DDHD1: variants seen among roughly 807,000 people sequenced by gnomAD.
DDHD1 encodes the protein phospholipase DDHD1.
Under a neutral mutation model 96.4 loss-of-function variants are expected in DDHD1, and 49 were observed. That is an observed-to-expected ratio of 0.51 (90% CI 0.40 to 0.64). The LOEUF is 0.64. DDHD1 is among the 30% of genes least tolerant of loss of function. The pLI is 0.00. For missense variants in DDHD1, 1,106 were observed against 1,161.2 expected (o/e 0.95, Z 0.69); for synonymous variants, 442 against 446.5 (o/e 0.99, Z 0.13).
chr14:53,080,178 G>A (rs1376793063), intron 4 of DDHD1, among the ~76,000 whole-genome samples: 1 of 152,140 alleles, frequency 6.6e-6, no homozygotes, highest in East Asian at 1.9e-4. Context: ...TGGCCAACAT[G>A]GTGAAATCCC....
chr14:53,041,854 T>G lies in DDHD1; in HGVS notation c.*4914A>C, dbSNP rs1215006731. The G allele has an allele frequency of 6.6e-6, 1 of 152,078 alleles. No individual in the cohort carries two copies. Among genetic ancestry groups the G allele is most frequent in the African/African-American group, 2.4e-5 (1 of 41,384 alleles). 9.4% of individuals were successfully genotyped at this position (152,078 alleles called of 1,614,324 possible). On this transcript the variant is annotated 3_prime_UTR_variant, in exon 13 of 13. Coordinates refer to ENST00000673822, the MANE Select transcript of DDHD1 (RefSeq NM_001160148.2). Reference sequence around the variant, plus strand: ...ATTAAAGCTTGCTGATGCTTTAATCTGAGCTTAAAGCATCAGATTACAGAG... The same window carrying G: ...ATTAAAGCTTGCTGATGCTTTAATCGGAGCTTAAAGCATCAGATTACAGAG...
At chr14:53,050,454 T>C (rs558563689) in intron 12 of DDHD1, among the ~76,000 whole-genome samples, 9 of 152,218 alleles carry the variant, frequency 5.9e-5, no homozygotes, top group Admixed American at 1.3e-4. Context: ...TATGAATGAT[T>C]GAGACCTTTC....
At chr14:53,064,176 GATAAGA>G (rs1275235351) in intron 6 of DDHD1, among the ~76,000 whole-genome samples, 2 of 152,080 alleles carry the variant, frequency 1.3e-5, no homozygotes, top group Non-Finnish European at 2.9e-5. Context: ...ATTTGGCTTT[GATAAGA>G]ATATCAACCA....
chr14:53,152,774 C>CGCT lies in DDHD1; in HGVS notation c.322_324dup (p.Ser108dup). 1 of 1,604,274 alleles carries CGCT rather than the reference C, an allele frequency of 6.2e-7. No individual in the cohort carries two copies. Among genetic ancestry groups the CGCT allele is most frequent in the South Asian group, 1.1e-5 (1 of 90,446 alleles). ...AGCGACAAGGAGCTGCCGCCGCCGC[C>CGCT]GCTCTCACCCTCGCTGTAGTAGCGC... On this transcript the variant is annotated inframe_insertion, in exon 1 of 13. Coordinates refer to ENST00000673822, the MANE Select transcript of DDHD1 (RefSeq NM_001160148.2).
intron 4 of DDHD1, among the ~76,000 whole-genome samples, chr14:53,083,114 A>C (rs932332636): frequency 6.6e-6 from 1 of 152,184 alleles, no homozygotes; most frequent in Non-Finnish European, 1.5e-5. Flanking sequence ...TGTTCAAAAA[A>C]ATAAGTTTCG....
chr14:53,150,282 T>C (rs991585373), intron 1 of DDHD1, among the ~76,000 whole-genome samples: 3 of 152,248 alleles, frequency 2.0e-5, no homozygotes, highest in Non-Finnish European at 4.4e-5. Context: ...TTAAATTTTC[T>C]GGGACGCTTT....
intron 1 of DDHD1, among the ~76,000 whole-genome samples, chr14:53,122,091 A>G (rs1889040167): frequency 6.6e-6 from 1 of 152,166 alleles, no homozygotes. Context: ...CACTTGAAGG[A>G]TGCTGGAAGA....
At chr14:53,135,926 A>G (rs992898892) in intron 1 of DDHD1, among the ~76,000 whole-genome samples, 4 of 152,272 alleles carry the variant, frequency 2.6e-5, no homozygotes, top group African/African-American at 9.6e-5. Flanking sequence ...AAGCTAAGCC[A>G]TCATATCTCC....
At chr14:53,058,335 G>T in intron 9 of DDHD1, 142 bp downstream of exon 9, 1 of 899,738 alleles carries the variant, frequency 1.1e-6, no homozygotes, top group Non-Finnish European at 1.7e-6. Context: ...GGCTGGTCTT[G>T]AACTCCTGAC....
intron 6 of DDHD1, among the ~76,000 whole-genome samples, chr14:53,064,136 C>G (rs1883822688): frequency 6.6e-6 from 1 of 152,012 alleles, no homozygotes; most frequent in African/African-American, 2.4e-5. Flanking sequence ...CTACATGGCT[C>G]TGTCTGAAAG....
chr14:53,139,843 CAAA>C (rs56999105), intron 1 of DDHD1, among the ~76,000 whole-genome samples: 190 of 131,222 alleles, frequency 1.4e-3, no homozygotes, highest in African/African-American at 4.1e-3. Flanking sequence ...CAAGAGACCA[CAAA>C]AAAAAAAAAA....
intron 9 of DDHD1, among the ~76,000 whole-genome samples, 159 bp from the exon 10 acceptor site, chr14:53,056,071 C>T (rs542606886): frequency 6.6e-6 from 1 of 152,126 alleles, no homozygotes; most frequent in African/African-American, 2.4e-5. Flanking sequence ...TATTTGTTCA[C>T]TGTTAATATG....
rs1178397213 is a variant in DDHD1, at chr14:53,044,534, TAC to T, written c.*2232_*2233del. 1 of 152,204 alleles carries T rather than the reference TAC, an allele frequency of 6.6e-6. No homozygotes were observed. Among genetic ancestry groups the T allele is most frequent in the Non-Finnish European group, 1.5e-5 (1 of 68,034 alleles). The allele number at this position is 152,204 out of a possible 1,614,324, so 9.4% of individuals were successfully genotyped here. ...ACATACGCTCAAGTACCTTTAACGATACAGTCATATAGCATGAGTTTAATTTT... is the reference window on the plus strand; with the variant it reads ...ACATACGCTCAAGTACCTTTAACGATAGTCATATAGCATGAGTTTAATTTT... On this transcript the variant is annotated 3_prime_UTR_variant, in exon 13 of 13. Coordinates refer to ENST00000673822, the MANE Select transcript of DDHD1 (RefSeq NM_001160148.2).
Position 53,063,193 on chromosome 14 carries a change from G to C in DDHD1, c.1516C>G (p.Leu506Val). Residue 506 changes from leucine (L) to valine (V), a missense_variant, in exon 7 of 13, where the codon CTT becomes GTT. Around this residue, in one of 2 missense-constraint regions of DDHD1, gnomAD observed 650 missense variants for 758.8 expected, o/e 0.86. Coordinates refer to ENST00000673822, the MANE Select transcript of DDHD1 (RefSeq NM_001160148.2). ...TACAATCGATTCAGCTCTTGCTGAA[G>C]GCCTTTAACTAGCTGTTTGAAATAA... The part of the protein sequence containing the change: ...PLYRDELVKG[L>V]QQELNRLYSL... 6.2e-7 allele frequency: 1 copy of C among 1,613,400 alleles called. No homozygotes were observed. The highest frequency in any genetic ancestry group is 8.5e-7 in the Non-Finnish European group (1 of 1,179,860).
intron 1 of DDHD1, among the ~76,000 whole-genome samples, chr14:53,151,887 CAT>C (rs1416393724): frequency 6.6e-6 from 1 of 152,222 alleles, no homozygotes; most frequent in African/African-American, 2.4e-5. Flanking sequence ...CTATTTAAAT[CAT>C]AGGCTGTTTA....
Position 53,073,759 on chromosome 14 carries a change from T to C in DDHD1, c.1378A>G (p.Lys460Glu), listed in dbSNP as rs775155578. Residue 460 changes from lysine to glutamate, a missense_variant, in exon 5 of 13, where the codon AAA (lysine) becomes GAA (glutamate). Around this residue, in one of 2 missense-constraint regions of DDHD1, gnomAD observed 650 missense variants for 758.8 expected, o/e 0.86. Transcript: ENST00000673822. Reference sequence around the variant, plus strand: ...AATATACCTCCATCAAGAGTAAGTTTTGACCGCCACTCAACAGGCAGAAAT... The same window carrying C: ...AATATACCTCCATCAAGAGTAAGTTCTGACCGCCACTCAACAGGCAGAAAT... The part of the protein sequence containing the change: ...VEFLPVEWRS[K>E]LTLDGDTVDS... The C allele has an allele frequency of 2.5e-6, 4 of 1,608,810 alleles. No individual in the cohort carries two copies. Among genetic ancestry groups the C allele is most frequent in the Non-Finnish European group, 2.5e-6 (3 of 1,176,962 alleles).
chr14:53,074,074 C>T (rs1442350241), intron 4 of DDHD1, among the ~76,000 whole-genome samples: 1 of 151,936 alleles, frequency 6.6e-6, no homozygotes, highest in African/African-American at 2.4e-5. Flanking sequence ...ATATTCTAAG[C>T]TTTTACATTA....
chr14:53,047,684 C>G (rs1882143130), intron 12 of DDHD1, among the ~76,000 whole-genome samples: 1 of 152,174 alleles, frequency 6.6e-6, no homozygotes, highest in Admixed American at 6.6e-5. Context: ...ACAAACAATT[C>G]AGTGAATTCA....
At chr14:53,133,012 A>G (rs1222471691) in intron 1 of DDHD1, among the ~76,000 whole-genome samples, 3 of 152,208 alleles carry the variant, frequency 2.0e-5, no homozygotes, top group African/African-American at 7.2e-5. Context: ...CCAGACTCAC[A>G]GGCCCATTCT....
Sources: allele counts gnomAD v4.1 joint callset (sites outside exome capture counted in the v4.1 genomes callset), GRCh38; gene constraint gnomAD v4.1.1; regional missense constraint gnomAD v4.1.1; transcripts MANE v1.5; gene names NCBI Gene and HGNC (gene_info 2026-07-23, HGNC 2026-07-21).